Variants in SCFD2 observed in about 807,000 individuals in gnomAD.
SCFD2 encodes sec1 family domain-containing protein 2.
SCFD2 carries 54 observed loss-of-function variants against 58.9 expected under a neutral mutation model. The observed-to-expected ratio is 0.92, with a 90% CI of 0.74 to 1.15. The LOEUF (loss-of-function observed/expected upper bound fraction) is 1.15, where lower values mean the gene tolerates loss of function less well. SCFD2 is among the 50% of genes most tolerant of loss of function. The probability of loss-of-function intolerance (pLI) is 0.00; values close to 1 mark genes in which losing one functional copy is unlikely to be tolerated. For missense variants in SCFD2, 805 were observed against 836.6 expected (o/e 0.96, Z 0.47); for synonymous variants, 321 against 335.9 (o/e 0.96, Z 0.49).
At chr4:53,327,110 C>T (rs1434117987) in intron 2 of SCFD2, among the ~76,000 whole-genome samples, 1 of 151,748 alleles carries the variant, frequency 6.6e-6, no homozygotes, top group Non-Finnish European at 1.5e-5. Flanking sequence ...ATGTAATGAG[C>T]AGGCTGGAAA....
chr4:52,985,847 C>T (rs926014313), intron 5 of SCFD2, among the ~76,000 whole-genome samples: 12 of 151,646 alleles, frequency 7.9e-5, no homozygotes, highest in African/African-American at 2.7e-4. Flanking sequence ...TAGAACAAAG[C>T]CCTACATGTA....
chr4:53,189,868 T>G (rs1280393857), intron 4 of SCFD2, among the ~76,000 whole-genome samples: 1 of 152,198 alleles, frequency 6.6e-6, no homozygotes, highest in African/African-American at 2.4e-5. Flanking sequence ...TAAGTGTATA[T>G]CACTGCTTAC....
chr4:53,011,951 C>T (rs1024896521), intron 5 of SCFD2, among the ~76,000 whole-genome samples: 3 of 150,274 alleles, frequency 2.0e-5, no homozygotes, highest in African/African-American at 7.4e-5. Flanking sequence ...GAACACAAAT[C>T]TGGGGATTTT....
chr4:53,127,291 A>G (rs528364880), intron 5 of SCFD2, among the ~76,000 whole-genome samples: 1 of 152,370 alleles, frequency 6.6e-6, no homozygotes, highest in Admixed American at 6.5e-5. Context: ...TTCATCTGGT[A>G]AACTTGCAAC....
chr4:53,292,957 A>G (rs142874811), intron 3 of SCFD2, among the ~76,000 whole-genome samples: 2,547 of 152,260 alleles, frequency 0.017, 80 homozygotes, highest in African/African-American at 0.058. Flanking sequence ...TCATAGGTGG[A>G]GCAAACCACC....
At chr4:53,256,526 G>A (rs1172620456) in intron 4 of SCFD2, among the ~76,000 whole-genome samples, 1 of 152,174 alleles carries the variant, frequency 6.6e-6, no homozygotes, top group Non-Finnish European at 1.5e-5. Flanking sequence ...GGCCAAGGCA[G>A]GCGGCTGGGA....
At chr4:53,031,188 G>T (rs766765932) in intron 5 of SCFD2, among the ~76,000 whole-genome samples, 40 of 152,132 alleles carry the variant, frequency 2.6e-4, no homozygotes, top group Non-Finnish European at 5.3e-4. Context: ...CAGCAGAAGG[G>T]CTTGTTAGAA....
intron 3 of SCFD2, among the ~76,000 whole-genome samples, chr4:53,297,967 G>C (rs1304646871): frequency 2.0e-5 from 3 of 151,508 alleles, no homozygotes; most frequent in Non-Finnish European, 4.4e-5. Context: ...TCGGGTGCTG[G>C]AGCCAAGATG....
At chr4:53,211,986 G>A (rs970241302) in intron 4 of SCFD2, among the ~76,000 whole-genome samples, 1 of 151,946 alleles carries the variant, frequency 6.6e-6, no homozygotes. Flanking sequence ...TGAATTTTAG[G>A]CTTAACAAGG....
chr4:53,307,504 C>G (rs1732553278), intron 3 of SCFD2, among the ~76,000 whole-genome samples: 1 of 152,160 alleles, frequency 6.6e-6, no homozygotes, highest in Non-Finnish European at 1.5e-5. Flanking sequence ...CTATGTAACC[C>G]ATCAGTGAGG....
At chr4:53,051,617 G>A (rs1047967674) in intron 5 of SCFD2, among the ~76,000 whole-genome samples, 3 of 151,994 alleles carry the variant, frequency 2.0e-5, no homozygotes, top group African/African-American at 7.3e-5. Flanking sequence ...TTTTTATTAC[G>A]GTGGCTAGAT....
chr4:53,237,620 C>T (rs866496469), intron 4 of SCFD2, among the ~76,000 whole-genome samples: 195 of 80,332 alleles, frequency 2.4e-3, no homozygotes, highest in Non-Finnish European at 3.5e-3. Context: ...ACCTCCCGGA[C>T]GGGGCGGCTG....
intron 4 of SCFD2, among the ~76,000 whole-genome samples, chr4:53,161,847 T>C (rs1228018476): frequency 6.6e-6 from 1 of 152,216 alleles, no homozygotes; most frequent in Non-Finnish European, 1.5e-5. Flanking sequence ...ATTACAATGA[T>C]TGAGCAGCCT....
At chr4:53,252,576 C>T (rs866595843) in intron 4 of SCFD2, among the ~76,000 whole-genome samples, 114 of 149,540 alleles carry the variant, frequency 7.6e-4, no homozygotes, top group African/African-American at 2.2e-3. Context: ...TCAGAAATAA[C>T]ACCGCATATC....
At chr4:53,349,231 T>TA (rs1182471453) in intron 2 of SCFD2, among the ~76,000 whole-genome samples, 2 of 152,182 alleles carry the variant, frequency 1.3e-5, no homozygotes, top group Non-Finnish European at 2.9e-5. Context: ...ATGCCCTCAT[T>TA]TTATAAGATG....
At chr4:53,134,782 A>G (rs10028181) in intron 5 of SCFD2, among the ~76,000 whole-genome samples, 67,682 of 152,096 alleles carry the variant, frequency 0.44, 15,394 homozygotes, top group South Asian at 0.53. Context: ...CTAGAGCTCA[A>G]TTAGTGCAAT....
intron 4 of SCFD2, among the ~76,000 whole-genome samples, chr4:53,171,717 A>G (rs1476041799): frequency 6.6e-6 from 1 of 151,920 alleles, no homozygotes; most frequent in African/African-American, 2.4e-5. Context: ...TTTCTTCATG[A>G]TAGTAGGTTG....
intron 4 of SCFD2, among the ~76,000 whole-genome samples, chr4:53,214,037 T>C (rs955441512): frequency 6.6e-6 from 1 of 152,162 alleles, no homozygotes; most frequent in African/African-American, 2.4e-5. Flanking sequence ...TGCCACATTT[T>C]CTTAATCCAG....
chr4:53,243,122 T>G (rs1237690764), intron 4 of SCFD2, among the ~76,000 whole-genome samples: 2 of 152,130 alleles, frequency 1.3e-5, no homozygotes, highest in African/African-American at 2.4e-5. Context: ...ATTCAGAAAC[T>G]GCAGAGAACC....
Sources: allele counts gnomAD v4.1 joint callset (sites outside exome capture counted in the v4.1 genomes callset), GRCh38; gene constraint gnomAD v4.1.1; transcripts MANE v1.5; gene names NCBI Gene and HGNC (gene_info 2026-07-23, HGNC 2026-07-21).